The following ROBO2 variants were observed in gnomAD, a reference collection of about 807,000 sequenced individuals.
ROBO2 encodes roundabout guidance receptor 2.
A neutral mutation model predicts 160.8 loss-of-function variants in ROBO2; 53 were observed. The observed-to-expected ratio is 0.33, with a 90% CI of 0.26 to 0.41. ROBO2 has a LOEUF of 0.41. ROBO2 is among the 10% of genes least tolerant of loss of function. ROBO2 has a pLI of 1.00. For synonymous variants in ROBO2, 664 were observed against 611.7 expected (o/e 1.09, Z -1.26); for missense variants, 1,577 against 1,722.4 (o/e 0.92, Z 1.49).
intron 2 of ROBO2, among the ~76,000 whole-genome samples, chr3:76,393,118 T>A (rs1279023621): frequency 6.6e-6 from 1 of 152,190 alleles, no homozygotes; most frequent in Non-Finnish European, 1.5e-5. Context: ...GTTTCCTAGA[T>A]ATAACATCGT....
intron 2 of ROBO2, among the ~76,000 whole-genome samples, chr3:75,937,841 T>TTATATATATATATATATAAATA (rs1947859758): frequency 9.5e-6 from 1 of 105,526 alleles, no homozygotes; most frequent in Non-Finnish European, 1.8e-5. Context: ...GGAATTGATT[T>TTATATATATATATATATAAATA]TATATATATA....
At chr3:76,235,063 G>T (rs1704857149) in intron 2 of ROBO2, among the ~76,000 whole-genome samples, 1 of 152,092 alleles carries the variant, frequency 6.6e-6, no homozygotes, top group Non-Finnish European at 1.5e-5. Context: ...TGAATTTTGG[G>T]CCCAAAGGGT....
chr3:76,135,655 T>G (rs1184813162), intron 2 of ROBO2, among the ~76,000 whole-genome samples: 1 of 152,130 alleles, frequency 6.6e-6, no homozygotes, highest in East Asian at 1.9e-4. Flanking sequence ...AAAACAGGTC[T>G]GTGATCCAAA....
At chr3:76,487,199 C>G (rs191426236) in intron 2 of ROBO2, among the ~76,000 whole-genome samples, 2 of 150,608 alleles carry the variant, frequency 1.3e-5, no homozygotes, top group Admixed American at 6.6e-5. Context: ...AGGCTGATCT[C>G]TAACTCCTGA....
chr3:77,576,097 A>G (rs1281190388), intron 14 of ROBO2, among the ~76,000 whole-genome samples: 1 of 152,050 alleles, frequency 6.6e-6, no homozygotes, highest in Non-Finnish European at 1.5e-5. Flanking sequence ...TGAATGAGAA[A>G]CCCATTCTGA....
chr3:77,489,347 C>G (rs1582400764), intron 4 of ROBO2, among the ~76,000 whole-genome samples: 1 of 152,270 alleles, frequency 6.6e-6, no homozygotes, highest in East Asian at 1.9e-4. Flanking sequence ...CTGTGGTTAT[C>G]CAGTTGCTAA....
At chr3:76,474,835 T>G (rs1043364315) in intron 2 of ROBO2, among the ~76,000 whole-genome samples, 20 of 152,130 alleles carry the variant, frequency 1.3e-4, no homozygotes, top group African/African-American at 4.8e-4. Flanking sequence ...TAAACTGAGC[T>G]GGACTCCACC....
At chr3:77,014,780 G>A (rs1483877280) in intron 2 of ROBO2, among the ~76,000 whole-genome samples, 3 of 151,840 alleles carry the variant, frequency 2.0e-5, no homozygotes, top group Non-Finnish European at 4.4e-5. Flanking sequence ...ATTTGCAAGA[G>A]AGAGAGAGAG....
intron 2 of ROBO2, among the ~76,000 whole-genome samples, chr3:76,613,988 A>T (rs1465826120): frequency 1.3e-5 from 2 of 152,020 alleles, no homozygotes; most frequent in East Asian, 3.9e-4. Context: ...GCAATGACTA[A>T]GCATACAGAA....
intron 2 of ROBO2, among the ~76,000 whole-genome samples, chr3:76,246,807 C>G (rs1471786594): frequency 6.6e-6 from 1 of 152,024 alleles, no homozygotes; most frequent in East Asian, 1.9e-4. Flanking sequence ...TTTCTTTTTA[C>G]AGAGATAAAG....
chr3:76,956,609 A>T (rs1427046288), intron 2 of ROBO2, among the ~76,000 whole-genome samples: 1 of 151,794 alleles, frequency 6.6e-6, no homozygotes, highest in Non-Finnish European at 1.5e-5. Flanking sequence ...TGTTGCACAA[A>T]TATTGGTATT....
intron 2 of ROBO2, among the ~76,000 whole-genome samples, chr3:76,245,672 A>C (rs1484002696): frequency 6.6e-6 from 1 of 152,036 alleles, no homozygotes; most frequent in South Asian, 2.1e-4. Flanking sequence ...TCTAGTCTCA[A>C]AGGGCTTGGG....
At chr3:76,338,508 C>G (rs1441022949) in intron 2 of ROBO2, among the ~76,000 whole-genome samples, 1 of 151,514 alleles carries the variant, frequency 6.6e-6, no homozygotes, top group African/African-American at 2.4e-5. Context: ...AATACACTGA[C>G]TCTTAAAAAA....
chr3:76,228,961 G>A (rs1034533470), intron 2 of ROBO2, among the ~76,000 whole-genome samples: 5 of 152,294 alleles, frequency 3.3e-5, no homozygotes, highest in African/African-American at 1.2e-4. Flanking sequence ...GTAGTGAGAA[G>A]TGAGCTGTGA....
chr3:76,025,309 C>T (rs938235021), intron 2 of ROBO2, among the ~76,000 whole-genome samples: 4 of 151,470 alleles, frequency 2.6e-5, no homozygotes, highest in East Asian at 1.9e-4. Context: ...GAGGGTGTTA[C>T]GTAGCTATGG....
At chr3:76,537,288 G>A (rs748776014) in intron 2 of ROBO2, among the ~76,000 whole-genome samples, 1 of 152,014 alleles carries the variant, frequency 6.6e-6, no homozygotes, top group Admixed American at 6.6e-5. Context: ...CCAATTTTTC[G>A]ACAAAAATTA....
At chr3:76,705,248 G>A (rs1309714423) in intron 2 of ROBO2, among the ~76,000 whole-genome samples, 3 of 151,988 alleles carry the variant, frequency 2.0e-5, no homozygotes, top group Admixed American at 6.6e-5. Flanking sequence ...AGATATCCCA[G>A]TTGCCTGAAT....
chr3:77,430,630 C>A (rs1402513744), intron 2 of ROBO2, among the ~76,000 whole-genome samples: 1 of 151,966 alleles, frequency 6.6e-6, no homozygotes, highest in Non-Finnish European at 1.5e-5. Flanking sequence ...ATAAAGGAGG[C>A]CCCAGAGAGC....
chr3:76,641,636 C>A (rs2090680830), intron 2 of ROBO2, among the ~76,000 whole-genome samples: 1 of 152,200 alleles, frequency 6.6e-6, no homozygotes, highest in African/African-American at 2.4e-5. Flanking sequence ...ACAAAAAAAA[C>A]CCACAAAGCT....
Sources: allele counts gnomAD v4.1 joint callset (sites outside exome capture counted in the v4.1 genomes callset), GRCh38; gene constraint gnomAD v4.1.1; transcripts MANE v1.5; gene names NCBI Gene and HGNC (gene_info 2026-07-23, HGNC 2026-07-21).